The following KAZN variants were observed in gnomAD, a reference collection of about 807,000 sequenced individuals.
The protein encoded by KAZN is kazrin.
In KAZN, 40 loss-of-function variants were observed where a neutral mutation model predicts 87.4. The observed-to-expected ratio is 0.46, with a 90% CI of 0.36 to 0.60. The LOEUF (loss-of-function observed/expected upper bound fraction) is 0.60. Ranked by LOEUF, KAZN falls within the 20% of genes least tolerant of loss-of-function variation. The pLI is 0.00. For synonymous variants in KAZN, 466 were observed against 458.3 expected (o/e 1.02, Z -0.22); for missense variants, 898 against 1,073.9 (o/e 0.84, Z 2.29).
intron 2 of KAZN, among the ~76,000 whole-genome samples, chr1:14,496,044 G>C (rs1172733799): frequency 6.6e-6 from 1 of 152,100 alleles, no homozygotes; most frequent in Non-Finnish European, 1.5e-5. Context: ...GAGTTTATTA[G>C]ACAGGATTTT....
At chr1:13,950,134 G>A (rs1246964926) in intron 1 of KAZN, among the ~76,000 whole-genome samples, 2 of 152,168 alleles carry the variant, frequency 1.3e-5, no homozygotes, top group African/African-American at 2.4e-5. Context: ...TTTGCTTCAT[G>A]CACCTGCTGC....
intron 2 of KAZN, among the ~76,000 whole-genome samples, chr1:14,566,411 G>T (rs971943757): frequency 6.6e-6 from 1 of 152,194 alleles, no homozygotes; most frequent in African/African-American, 2.4e-5. Context: ...GAGCACAGAT[G>T]AGTACATTTA....
At chr1:14,955,449 G>A (rs545785293) in intron 1 of KAZN, among the ~76,000 whole-genome samples, 102 of 152,364 alleles carry the variant, frequency 6.7e-4, no homozygotes, top group African/African-American at 2.4e-3. Flanking sequence ...CTCCACTCCT[G>A]GAAGAGTCTG....
At chr1:14,535,664 CAA>C (rs56960061) in intron 2 of KAZN, among the ~76,000 whole-genome samples, 182 of 146,148 alleles carry the variant, frequency 1.2e-3, no homozygotes, top group African/African-American at 2.6e-3. Context: ...GACTCTGTCT[CAA>C]AAAAAAAAAA....
At chr1:13,913,522 A>G (rs1022119874) in intron 1 of KAZN, among the ~76,000 whole-genome samples, 1 of 152,188 alleles carries the variant, frequency 6.6e-6, no homozygotes, top group Non-Finnish European at 1.5e-5. Context: ...CTGTAAGGTC[A>G]GGGACTGATT....
At chr1:14,727,715 C>G (rs1292826634) in intron 1 of KAZN, among the ~76,000 whole-genome samples, 1 of 151,614 alleles carries the variant, frequency 6.6e-6, no homozygotes, top group Non-Finnish European at 1.5e-5. Flanking sequence ...ATCCGCCCAC[C>G]ACGGCCTCCC....
At chr1:13,911,300 C>T (rs1286243044) in intron 1 of KAZN, among the ~76,000 whole-genome samples, 5 of 152,150 alleles carry the variant, frequency 3.3e-5, no homozygotes, top group African/African-American at 4.8e-5. Context: ...TCACCTGCCT[C>T]GGCCTCCCAA....
Position 14,767,027 on chromosome 1 carries a change from C to G in KAZN, c.226+167804C>G, listed in dbSNP as rs557293473. ...TGTCAGAGAAGGCTTCTCTGAAGATCTCTGCCCTGGTGCTGAATCTTAGCT... is the reference window on the plus strand; with the variant it reads ...TGTCAGAGAAGGCTTCTCTGAAGATGTCTGCCCTGGTGCTGAATCTTAGCT... On this transcript the variant is annotated intron_variant, in intron 1 of 14. Transcript: ENST00000376030. Among the ~76,000 whole-genome samples, 18 of 152,218 alleles carry G rather than the reference C, an allele frequency of 1.2e-4. No homozygotes were observed. In the South Asian group the frequency reaches 3.7e-3, roughly 32 times the overall value.
At chr1:14,205,905 A>AAAAAAAAAAAAAAAC (rs1557559797) in intron 2 of KAZN, among the ~76,000 whole-genome samples, 1 of 49,438 alleles carries the variant, frequency 2.0e-5, no homozygotes. Context: ...AAAAAAAAAA[A>AAAAAAAAAAAAAAAC]AGCTACCTAA....
chr1:14,746,371 C>T (rs1321011748), intron 1 of KAZN, among the ~76,000 whole-genome samples: 6 of 152,012 alleles, frequency 3.9e-5, no homozygotes, highest in Non-Finnish European at 4.4e-5. Flanking sequence ...ATAACAAGAG[C>T]AAGTATTTTG....
intron 2 of KAZN, among the ~76,000 whole-genome samples, chr1:14,260,845 G>A (rs541682234): frequency 1.3e-5 from 2 of 152,264 alleles, no homozygotes; most frequent in African/African-American, 4.8e-5. Flanking sequence ...CGGTTAAGTC[G>A]CCGTCACAGG....
intron 2 of KAZN, among the ~76,000 whole-genome samples, chr1:14,520,051 C>G (rs1194353867): frequency 1.3e-5 from 2 of 152,060 alleles, no homozygotes; most frequent in African/African-American, 4.8e-5. Context: ...ATAATTGGGG[C>G]CAAGGAGCAC....
At chr1:14,413,792 T>C (rs898693161) in intron 2 of KAZN, among the ~76,000 whole-genome samples, 1 of 152,094 alleles carries the variant, frequency 6.6e-6, no homozygotes, top group Middle Eastern at 3.2e-3. Flanking sequence ...AGAGTGAGAC[T>C]AGATACATTT....
chr1:14,990,266 A>C (rs1217958507), intron 2 of KAZN, among the ~76,000 whole-genome samples: 1 of 152,168 alleles, frequency 6.6e-6, no homozygotes, highest in Non-Finnish European at 1.5e-5. Context: ...TCTGTCACCC[A>C]AGCTGGAGTG....
intron 1 of KAZN, among the ~76,000 whole-genome samples, chr1:13,957,795 C>T (rs1413311315): frequency 6.6e-6 from 1 of 152,086 alleles, no homozygotes; most frequent in East Asian, 1.9e-4. Flanking sequence ...ATGAAAGATC[C>T]ACTCCATGAC....
chr1:15,102,817 G>A (rs1414885968), intron 11 of KAZN, among the ~76,000 whole-genome samples: 1 of 152,232 alleles, frequency 6.6e-6, no homozygotes, highest in African/African-American at 2.4e-5. Flanking sequence ...GCTCTGGGCA[G>A]TCAGAGCTCC....
chr1:15,029,513 A>T (rs1671477197), intron 2 of KAZN, among the ~76,000 whole-genome samples: 1 of 152,184 alleles, frequency 6.6e-6, no homozygotes, highest in Non-Finnish European at 1.5e-5. Context: ...AGGCACACGT[A>T]CACACACCCC....
intron 2 of KAZN, among the ~76,000 whole-genome samples, chr1:14,348,051 ATTTT>A (rs70997137): frequency 8.5e-6 from 1 of 117,868 alleles, no homozygotes; most frequent in East Asian, 2.5e-4. Context: ...CACCTGGCTA[ATTTT>A]TTTTTTTTTT....
At chr1:14,313,691 G>T (rs1655458290) in intron 2 of KAZN, among the ~76,000 whole-genome samples, 1 of 152,118 alleles carries the variant, frequency 6.6e-6, no homozygotes, top group African/African-American at 2.4e-5. Context: ...ACTTGTGAAA[G>T]AAGGTTATCA....
Sources: allele counts gnomAD v4.1 joint callset (sites outside exome capture counted in the v4.1 genomes callset), GRCh38; gene constraint gnomAD v4.1.1; transcripts MANE v1.5; gene names NCBI Gene and HGNC (gene_info 2026-07-23, HGNC 2026-07-21).